HYAL4: variants seen among roughly 807,000 people sequenced by gnomAD.
HYAL4 encodes the protein hyaluronidase 4, also known as hyaluronidase-4.
In HYAL4, 37 loss-of-function variants were observed where a neutral mutation model predicts 35.2. That is an observed-to-expected ratio of 1.05 (90% CI 0.81 to 1.38). HYAL4 has a LOEUF of 1.38. HYAL4 is among the 40% of genes most tolerant of loss of function. The pLI, the probability that HYAL4 is intolerant of heterozygous loss-of-function variation, is 0.00. For synonymous variants in HYAL4, 198 were observed against 203.2 expected (o/e 0.97, Z 0.22); for missense variants, 572 against 572.4 (o/e 1.00, Z 0.01).
At chr7:123,867,236 G>A (rs547475806) in intron 2 of HYAL4, among the ~76,000 whole-genome samples, 3 of 152,204 alleles carry the variant, frequency 2.0e-5, no homozygotes, top group South Asian at 4.1e-4. Context: ...CTGCAGCCAA[G>A]GAGAATAAAG....
At chr7:123,770,299 G>A in the HYAL4 span, among the ~76,000 whole-genome samples, 1 of 152,070 alleles carries the variant, frequency 6.6e-6, no homozygotes, top group East Asian at 1.9e-4. Context: ...AAAGTTAGCT[G>A]GGTGTGGTGA....
At chr7:123,798,078 ATTG>A in the HYAL4 span, among the ~76,000 whole-genome samples, 1 of 152,114 alleles carries the variant, frequency 6.6e-6, no homozygotes, top group East Asian at 1.9e-4. Flanking sequence ...AAATTTTTAT[ATTG>A]TTTTAAGTAC....
the HYAL4 span, among the ~76,000 whole-genome samples, chr7:123,771,637 G>A: frequency 6.6e-6 from 1 of 151,928 alleles, no homozygotes; most frequent in East Asian, 1.9e-4. Flanking sequence ...TTTTGTTATG[G>A]GTAGTTTGTA....
At chr7:123,844,833 C>T (rs548395131), upstream of HYAL4, among the ~76,000 whole-genome samples, 5 of 152,316 alleles carry the variant, frequency 3.3e-5, no homozygotes, top group Admixed American at 1.3e-4. Context: ...TGGGACCCAC[C>T]GAGCCAGGCA....
chr7:123,866,785 C>T (rs1214712433), intron 2 of HYAL4, among the ~76,000 whole-genome samples: 1 of 149,894 alleles, frequency 6.7e-6, no homozygotes, highest in Non-Finnish European at 1.5e-5. Flanking sequence ...TTCTCTTTCT[C>T]TCTCTTTTTT....
At chr7:123,795,175 T>C in the HYAL4 span, among the ~76,000 whole-genome samples, 1 of 152,244 alleles carries the variant, frequency 6.6e-6, no homozygotes, top group Admixed American at 6.5e-5. Context: ...CCATTTGGAA[T>C]GGGTGTATTT....
the HYAL4 span, among the ~76,000 whole-genome samples, chr7:123,775,168 C>T: frequency 6.6e-6 from 1 of 152,208 alleles, no homozygotes; most frequent in South Asian, 2.1e-4. Flanking sequence ...CATGGTGGCT[C>T]ACGCCTGTAA....
chr7:123,867,949 A>G (rs1354070823), intron 2 of HYAL4, among the ~76,000 whole-genome samples: 1 of 152,312 alleles, frequency 6.6e-6, no homozygotes, highest in Non-Finnish European at 1.5e-5. Context: ...TTATCTGATC[A>G]TGAACTCCTT....
chr7:123,774,489 A>G, the HYAL4 span, among the ~76,000 whole-genome samples: 2 of 151,334 alleles, frequency 1.3e-5, no homozygotes, highest in African/African-American at 2.4e-5. Context: ...AGCCTCTGTT[A>G]CCATCCTAGA....
the HYAL4 span, among the ~76,000 whole-genome samples, chr7:123,804,246 T>C: frequency 6.6e-6 from 1 of 152,198 alleles, no homozygotes; most frequent in Non-Finnish European, 1.5e-5. Context: ...CATATGTTTC[T>C]TGACTTTACC....
At chr7:123,777,674 AT>A in the HYAL4 span, among the ~76,000 whole-genome samples, 1 of 152,146 alleles carries the variant, frequency 6.6e-6, no homozygotes, top group South Asian at 2.1e-4. Context: ...GTTGATTTGA[AT>A]TAATTTAAAA....
chr7:123,852,153 G>T lies in HYAL4; in HGVS notation c.-52+3995G>T, dbSNP rs568100465. On this transcript the variant is annotated intron_variant, in intron 2 of 4. Coordinates refer to ENST00000223026, the MANE Select transcript of HYAL4 (RefSeq NM_012269.3). ...CTGGATATTAACCTTTTGTCAGATG[G>T]GTAGATTGCAAAAATTTTCTCTCAT... Among the ~76,000 whole-genome samples the T allele has an allele frequency of 1.2e-4, 18 of 152,064 alleles. No individual in the cohort carries two copies. In the South Asian group the frequency reaches 3.7e-3, roughly 32 times the overall value.
At position 123,868,457 on chromosome 7, in the gene HYAL4, A is replaced by C. The variant is rs1241756759; in HGVS notation, c.184A>C (p.Lys62Gln). Reference sequence around the variant, plus strand: ...TGCTCCAACAGATCAGTGTTTGATAAAATATAATTTAAGACTAAATTTGAA... The same window carrying C: ...TGCTCCAACAGATCAGTGTTTGATACAATATAATTTAAGACTAAATTTGAA... ...WNAPTDQCLI[K>Q]YNLRLNLKMF... Residue 62 changes from lysine to glutamine, a missense_variant, in exon 3 of 5, where the codon AAA becomes CAA. Coordinates refer to ENST00000223026, the MANE Select transcript of HYAL4 (RefSeq NM_012269.3). 3 of 1,606,246 alleles carry C rather than the reference A, an allele frequency of 1.9e-6. No individual in the cohort carries two copies. Among genetic ancestry groups the C allele is most frequent in the East Asian group, 4.5e-5 (2 of 44,878 alleles).
chr7:123,873,731 C>T (rs1257943234), intron 3 of HYAL4, among the ~76,000 whole-genome samples: 1 of 152,154 alleles, frequency 6.6e-6, no homozygotes, highest in East Asian at 1.9e-4. Flanking sequence ...CGGCCTAGAT[C>T]CCTGTTAATC....
chr7:123,763,717 G>T, the HYAL4 span, among the ~76,000 whole-genome samples: 1 of 152,246 alleles, frequency 6.6e-6, no homozygotes, highest in Non-Finnish European at 1.5e-5. Flanking sequence ...AGGACTGCCA[G>T]CATGCTGTCA....
chr7:123,780,716 T>C, the HYAL4 span, among the ~76,000 whole-genome samples: 1 of 151,772 alleles, frequency 6.6e-6, no homozygotes, highest in Non-Finnish European at 1.5e-5. Context: ...CATTTTGTTA[T>C]GTACTAAGAA....
At chr7:123,774,299 A>G in the HYAL4 span, among the ~76,000 whole-genome samples, 1 of 152,180 alleles carries the variant, frequency 6.6e-6, no homozygotes, top group African/African-American at 2.4e-5. Context: ...TCGGCCTCCC[A>G]AAGTGCTGGG....
At position 123,869,122 on chromosome 7, in the gene HYAL4, T is replaced by G; in HGVS notation, c.849T>G (p.His283Gln). The change falls in exon 3 of 5, where the codon CAT (histidine) becomes CAG (glutamine). Residue 283 changes from histidine (H) to glutamine (Q), a missense_variant. Coordinates refer to ENST00000223026, the MANE Select transcript of HYAL4 (RefSeq NM_012269.3). ...TGCGCTTCTCCAAATTTCGGGTGCA[T>G]GAATCCATGAGGATCTCCACCATGA... is the stretch of plus-strand genomic sequence containing the variant. ...NILRFSKFRV[H>Q]ESMRISTMTS... 1 of 1,614,148 alleles carries G rather than the reference T, an allele frequency of 6.2e-7. No individual in the cohort carries two copies. The highest frequency in any genetic ancestry group is 8.5e-7 in the Non-Finnish European group (1 of 1,180,014).
At chr7:123,859,415 A>G (rs1305479092) in intron 2 of HYAL4, among the ~76,000 whole-genome samples, 1 of 152,206 alleles carries the variant, frequency 6.6e-6, no homozygotes, top group African/African-American at 2.4e-5. Context: ...CAAGCTTATC[A>G]TCAGTGTTCC....
Sources: gnomAD v4.1 joint callset for allele counts (sites outside exome capture counted in the v4.1 genomes callset) on GRCh38, gnomAD v4.1.1 for gene constraint, MANE v1.5 for transcripts, NCBI Gene and HGNC (gene_info 2026-07-23, HGNC 2026-07-21) for gene names.